The following SPPL2A variants were observed in gnomAD, a reference collection of about 807,000 sequenced individuals.
SPPL2A encodes signal peptide peptidase-like 2A.
SPPL2A carries 51 observed loss-of-function variants against 63.8 expected under a neutral mutation model. The ratio of observed to expected loss-of-function variants is 0.80; its 90% confidence interval spans 0.64 to 1.01. SPPL2A has a LOEUF of 1.01. Among genes scored for constraint, SPPL2A ranks in the 50% least tolerant of loss-of-function variants. SPPL2A has a pLI of 0.00. For synonymous variants in SPPL2A, 188 were observed against 205.8 expected, an observed-to-expected ratio of 0.91 and a Z score of 0.74; for missense variants, 553 against 622.7, an observed-to-expected ratio of 0.89 and a Z score of 1.19.
At chr15:50,728,745 C>A (rs1023028177) in intron 10 of SPPL2A, among the ~76,000 whole-genome samples, 1 of 151,862 alleles carries the variant, frequency 6.6e-6, no homozygotes, top group Admixed American at 6.6e-5. Context: ...TGGCTTCAAG[C>A]GATCTTCCCA....
At chr15:50,713,268 A>ATTTT (rs72061371) in intron 14 of SPPL2A, among the ~76,000 whole-genome samples, 1,765 of 140,942 alleles carry the variant, frequency 0.013, 20 homozygotes, top group Middle Eastern at 0.023. Context: ...TTTCCTGAGT[A>ATTTT]TTTTTTTTTT....
chr15:50,736,018 C>T, intron 8 of SPPL2A, 83 bp downstream of exon 8: 2 of 878,594 alleles, frequency 2.3e-6, no homozygotes, highest in Non-Finnish European at 3.6e-6. Context: ...CAAAAAAATT[C>T]CATAATAATC....
chr15:50,713,410 G>A (rs917849146), intron 14 of SPPL2A, among the ~76,000 whole-genome samples: 4 of 151,570 alleles, frequency 2.6e-5, no homozygotes, highest in Non-Finnish European at 4.4e-5. Flanking sequence ...GACTACAGGC[G>A]CCTGCCACCA....
intron 4 of SPPL2A, 28 bp from the exon 5 acceptor site, chr15:50,747,656 A>G: frequency 6.4e-7 from 1 of 1,559,020 alleles, no homozygotes; most frequent in Non-Finnish European, 8.8e-7. Context: ...AGTTAAACAC[A>G]GGAATAACTT....
chr15:50,740,341 T>C (rs1375671042), intron 5 of SPPL2A, among the ~76,000 whole-genome samples: 6 of 148,570 alleles, frequency 4.0e-5, no homozygotes, highest in Non-Finnish European at 7.4e-5. Context: ...GCGGGAGGAT[T>C]GCTTGAACCC....
intron 1 of SPPL2A, among the ~76,000 whole-genome samples, chr15:50,761,648 A>T (rs1304256563): frequency 6.6e-6 from 1 of 151,958 alleles, no homozygotes; most frequent in Admixed American, 6.6e-5. Context: ...AAATAAAAAG[A>T]GCCAGGGCCA....
chr15:50,716,370 T>C (rs1394336220), intron 14 of SPPL2A, among the ~76,000 whole-genome samples: 1 of 152,008 alleles, frequency 6.6e-6, no homozygotes, highest in Non-Finnish European at 1.5e-5. Context: ...AATTTTTGCA[T>C]TTTTAGTAGA....
chr15:50,722,444 T>G (rs2062655866), intron 12 of SPPL2A, among the ~76,000 whole-genome samples: 1 of 152,286 alleles, frequency 6.6e-6, no homozygotes, highest in African/African-American at 2.4e-5. Context: ...TGCTCAATAT[T>G]CCATGTCATG....
At chr15:50,748,277 TA>T in intron 3 of SPPL2A, 75 bp from the exon 4 acceptor site, 1 of 566,578 alleles carries the variant, frequency 1.8e-6, no homozygotes. Context: ...CCATTAAATA[TA>T]AATATTACGT....
intron 1 of SPPL2A, among the ~76,000 whole-genome samples, chr15:50,754,809 C>A (rs2062940940): frequency 6.6e-6 from 1 of 151,990 alleles, no homozygotes; most frequent in African/African-American, 2.4e-5. Context: ...ATGGAGAAAC[C>A]CTGTCTCTAC....
At chr15:50,758,541 G>T (rs1409281220) in intron 1 of SPPL2A, among the ~76,000 whole-genome samples, 2 of 151,578 alleles carry the variant, frequency 1.3e-5, no homozygotes, top group African/African-American at 4.8e-5. Context: ...TGTTGGCCAG[G>T]ATGGTCTCGA....
chr15:50,711,774 A>G (rs1251608389), intron 14 of SPPL2A, among the ~76,000 whole-genome samples: 1 of 151,852 alleles, frequency 6.6e-6, no homozygotes, highest in Admixed American at 6.6e-5. Context: ...AGGCATTCGA[A>G]TGAACCAAAT....
intron 14 of SPPL2A, among the ~76,000 whole-genome samples, chr15:50,716,534 T>G (rs925964447): frequency 1.3e-5 from 2 of 152,156 alleles, no homozygotes; most frequent in Non-Finnish European, 2.9e-5. Context: ...CTTTAAAAGC[T>G]GTATGAAAGG....
chr15:50,732,792 TC>T (rs2062740827), intron 8 of SPPL2A, 108 bp from the exon 9 acceptor site: 2 of 694,698 alleles, frequency 2.9e-6, no homozygotes. Context: ...ATTTGACTAT[TC>T]CTTTTTTTTT....
chr15:50,760,668 T>C (rs1361803140), intron 1 of SPPL2A, among the ~76,000 whole-genome samples: 2 of 151,454 alleles, frequency 1.3e-5, no homozygotes, highest in African/African-American at 4.9e-5. Flanking sequence ...ATCAATACAC[T>C]GGGGGTTATG....
At chr15:50,743,465 C>A (rs1428506058) in intron 5 of SPPL2A, among the ~76,000 whole-genome samples, 2 of 152,064 alleles carry the variant, frequency 1.3e-5, no homozygotes, top group Non-Finnish European at 2.9e-5. Context: ...CCTACATCAG[C>A]CTCCTGAGTA....
In SPPL2A at chr15:50,736,684, G is replaced by C; in HGVS notation, c.790C>G (p.Leu264Val). ...GGTATCTTATGAATTAGTGCAGCAA[G>C]ACAGTTGTACAGACTCATTGCTGAT... Reference protein sequence around the residue: ...IASAMSLYNCLAALIHKIPYG... With the variant: ...IASAMSLYNCVAALIHKIPYG... The change falls in exon 7 of 15, where the codon CTT becomes GTT. Residue 264 changes from leucine to valine, a missense_variant. Coordinates refer to ENST00000261854, the MANE Select transcript of SPPL2A (RefSeq NM_032802.4). The C allele has an allele frequency of 1.2e-6, 2 of 1,610,112 alleles. No individual in the cohort carries two copies. Among genetic ancestry groups the C allele is most frequent in the Non-Finnish European group, 1.7e-6 (2 of 1,176,908 alleles).
At chr15:50,761,831 C>G (rs963136059) in intron 1 of SPPL2A, among the ~76,000 whole-genome samples, 6 of 151,770 alleles carry the variant, frequency 4.0e-5, no homozygotes, top group Non-Finnish European at 8.8e-5. Flanking sequence ...ACTCGGGAGA[C>G]TGAGGCAGGA....
chr15:50,713,047 A>G (rs896286858), intron 14 of SPPL2A, among the ~76,000 whole-genome samples: 1 of 152,062 alleles, frequency 6.6e-6, no homozygotes, highest in Non-Finnish European at 1.5e-5. Context: ...GGATGAGGAG[A>G]CAGTCTTCAG....
Sources: gnomAD v4.1 joint callset for allele counts (sites outside exome capture counted in the v4.1 genomes callset) on GRCh38, gnomAD v4.1.1 for gene constraint, MANE v1.5 for transcripts, NCBI Gene and HGNC (gene_info 2026-07-23, HGNC 2026-07-21) for gene names.